Variants in GFI1B observed in about 807,000 individuals in gnomAD.
GFI1B encodes growth factor independent 1B transcriptional repressor, also known as zinc finger protein Gfi-1b.
In GFI1B, 20 loss-of-function variants were observed where a neutral mutation model predicts 35.3. The observed-to-expected ratio is 0.57, with a 90% confidence interval of 0.40 to 0.82. The LOEUF (loss-of-function observed/expected upper bound fraction) is 0.82. GFI1B is among the 40% of genes least tolerant of loss of function. The pLI is 0.00. For synonymous variants in GFI1B, 178 were observed against 177.6 expected (o/e 1.00, Z -0.02); for missense variants, 430 against 446.3 (o/e 0.96, Z 0.33).
chr9:132,988,111 G>A, intron 3 of GFI1B, 86 bp from the exon 4 acceptor site: 2 of 1,274,686 alleles, frequency 1.6e-6, no homozygotes, highest in Non-Finnish European at 2.3e-6. Flanking sequence ...CTCCCAAAGT[G>A]CTGGAATTGC....
At position 132,979,602 on chromosome 9, in the gene GFI1B, C is replaced by T. The variant is rs966080448; in HGVS notation, c.-21+761C>T. On this transcript the variant is annotated intron_variant, in intron 1 of 6. Transcript: ENST00000372122. Reference sequence around the variant, plus strand: ...TCCAGAGCCTACTAAGGGGAGATGACAGGGCTGCCCTCTCCCACACACTGC... The same window carrying T: ...TCCAGAGCCTACTAAGGGGAGATGATAGGGCTGCCCTCTCCCACACACTGC... Among the ~76,000 whole-genome samples, 106 of 152,118 alleles carry T rather than the reference C, an allele frequency of 7.0e-4. 1 individual carries two copies. The highest frequency in any genetic ancestry group is 2.4e-3 in the African/African-American group (99 of 41,420).
At chr9:132,986,164 C>G (rs745886061) in intron 1 of GFI1B, among the ~76,000 whole-genome samples, 10 of 152,140 alleles carry the variant, frequency 6.6e-5, no homozygotes, top group Non-Finnish European at 1.5e-5. Flanking sequence ...AATCCAAAAT[C>G]GAGGTGTCCG....
chr9:132,958,735 C>T (rs1385775036), intron 1 of GFI1B, among the ~76,000 whole-genome samples: 1 of 152,158 alleles, frequency 6.6e-6, no homozygotes, highest in Non-Finnish European at 1.5e-5. Context: ...TGGTGCCATT[C>T]CCTGAGACAT....
At chr9:132,967,375 C>G (rs1052018323) in intron 1 of GFI1B, among the ~76,000 whole-genome samples, 5 of 152,154 alleles carry the variant, frequency 3.3e-5, no homozygotes, top group African/African-American at 9.7e-5. Flanking sequence ...GAGAAAATCC[C>G]AAATGCTGAA....
intron 1 of GFI1B, among the ~76,000 whole-genome samples, chr9:132,947,932 A>G (rs1045688168): frequency 2.6e-5 from 4 of 152,174 alleles, no homozygotes; most frequent in African/African-American, 7.2e-5. Flanking sequence ...AACACTCAGC[A>G]GTCTATGAGT....
At chr9:132,955,001 G>A (rs1402413762) in intron 1 of GFI1B, among the ~76,000 whole-genome samples, 1 of 152,128 alleles carries the variant, frequency 6.6e-6, no homozygotes, top group African/African-American at 2.4e-5. Context: ...ATAGGCATCA[G>A]CCACTGTACC....
Position 132,989,686 on chromosome 9 carries a change from C to T in GFI1B, c.649-56C>T. On this transcript the variant is annotated intron_variant, in intron 5 of 6. Coordinates refer to ENST00000372122, the MANE Select transcript of GFI1B (RefSeq NM_001377304.1). The surrounding 1 kb of genome is among the most constrained non-coding windows in gnomAD (Gnocchi z 6.2). ...TGTCCTGTTCCGCAGGGGATCCCGGCCGGGTCCAGTCCTGAGCCTGCACCT... is the reference window on the plus strand; with the variant it reads ...TGTCCTGTTCCGCAGGGGATCCCGGTCGGGTCCAGTCCTGAGCCTGCACCT... 2.7e-6 allele frequency: 4 copies of T among 1,474,204 alleles called. No homozygotes were observed. Among genetic ancestry groups the T allele is most frequent in the Non-Finnish European group, 3.8e-6 (4 of 1,059,384 alleles). The allele number at this position is 1,474,204 out of a possible 1,614,324, so 91.3% of individuals were successfully genotyped here.
At chr9:132,987,883 T>C (rs1261593355) in intron 3 of GFI1B, among the ~76,000 whole-genome samples, 2 of 152,148 alleles carry the variant, frequency 1.3e-5, no homozygotes, top group Non-Finnish European at 1.5e-5. Flanking sequence ...CTCACTCTGT[T>C]GCCCAGGCTG....
intron 1 of GFI1B, among the ~76,000 whole-genome samples, chr9:132,983,273 T>C (rs1848899155): frequency 7.0e-6 from 1 of 142,204 alleles, no homozygotes; most frequent in East Asian, 2.2e-4. Flanking sequence ...CTCGGCTCAC[T>C]GCAACCTCCG....
intron 1 of GFI1B, among the ~76,000 whole-genome samples, 158 bp from the exon 2 acceptor site, chr9:132,986,501 T>C (rs1329166484): frequency 6.6e-6 from 1 of 152,200 alleles, no homozygotes; most frequent in East Asian, 1.9e-4. Context: ...ACCCTATTGC[T>C]AATAAGGTCA....
At chr9:132,965,175 A>C (rs571037322) in intron 1 of GFI1B, among the ~76,000 whole-genome samples, 2 of 152,220 alleles carry the variant, frequency 1.3e-5, no homozygotes, top group South Asian at 4.1e-4. Context: ...CTGAACACTG[A>C]AACAGCTTAG....
At chr9:132,961,405 A>T (rs1848361068) in intron 1 of GFI1B, among the ~76,000 whole-genome samples, 1 of 143,454 alleles carries the variant, frequency 7.0e-6, no homozygotes, top group South Asian at 2.2e-4. Context: ...CTTAATTGTG[A>T]AAAGTCAATT....
At chr9:132,978,603 C>T (rs899298953), upstream of GFI1B, 1 of 152,202 alleles carries the variant, frequency 6.6e-6, no homozygotes, top group Non-Finnish European at 1.5e-5. Flanking sequence ...GCTGAGCTCC[C>T]GCGCTCTCTT....
intron 1 of GFI1B, among the ~76,000 whole-genome samples, chr9:132,957,880 A>G (rs1161919158): frequency 6.6e-6 from 1 of 152,248 alleles, no homozygotes; most frequent in Non-Finnish European, 1.5e-5. Context: ...AACAGGCAAC[A>G]TGCATTGAGT....
intron 1 of GFI1B, among the ~76,000 whole-genome samples, chr9:132,954,770 G>A (rs1326557706): frequency 1.3e-5 from 2 of 151,276 alleles, no homozygotes; most frequent in African/African-American, 2.4e-5. Flanking sequence ...CCAGGCTGGA[G>A]TACAGTGGCG....
rs189415607 is a variant in GFI1B at position 132,985,237 on chromosome 9, G to A, written c.-20-1422G>A. Among the ~76,000 whole-genome samples, 297 of 152,300 alleles carry A rather than the reference G, an allele frequency of 2.0e-3. 2 individuals are homozygous for A. Among genetic ancestry groups the A allele is most frequent in the African/African-American group, 5.9e-3 (246 of 41,558 alleles). On this transcript the variant is annotated intron_variant, in intron 1 of 6. Coordinates refer to ENST00000372122, the MANE Select transcript of GFI1B (RefSeq NM_001377304.1). ...GTGAACCATTCTGGGGGCCAGGCAG[G>A]GCTCTCAGCTCCAGAGGGCTCTGCA...
At chr9:132,980,223 A>G (rs983396876) in intron 1 of GFI1B, among the ~76,000 whole-genome samples, 2 of 142,252 alleles carry the variant, frequency 1.4e-5, no homozygotes, top group Admixed American at 1.4e-4. Flanking sequence ...GGGGCAGGGT[A>G]GGGTGGGTGG....
intron 1 of GFI1B, among the ~76,000 whole-genome samples, chr9:132,957,630 A>G (rs1296203051): frequency 1.3e-5 from 2 of 152,204 alleles, no homozygotes; most frequent in African/African-American, 4.8e-5. Flanking sequence ...ACACGTTGTC[A>G]TAGCATAAGT....
At chr9:132,968,682 A>G (rs565632594) in intron 1 of GFI1B, among the ~76,000 whole-genome samples, 2 of 152,304 alleles carry the variant, frequency 1.3e-5, no homozygotes, top group Admixed American at 6.5e-5. Context: ...ATCGCAAGGT[A>G]GGAACATTCC....
Sources: allele counts gnomAD v4.1 joint callset (sites outside exome capture counted in the v4.1 genomes callset), GRCh38; gene constraint gnomAD v4.1.1; non-coding constraint Gnocchi (gnomAD v3.1); transcripts MANE v1.5; gene names NCBI Gene and HGNC (gene_info 2026-07-23, HGNC 2026-07-21).